The following RELN variants were observed in gnomAD, a reference collection of about 807,000 sequenced individuals.
RELN encodes the protein reelin.
RELN carries 108 observed loss-of-function variants against 427.6 expected under a neutral mutation model. That is an observed-to-expected ratio of 0.25 (90% confidence interval 0.22 to 0.30). RELN has a LOEUF of 0.30. RELN is among the 10% of genes least tolerant of loss of function. The pLI is 1.00. For synonymous variants in RELN, 1,524 were observed against 1,513.4 expected (o/e 1.01, Z -0.16); for missense variants, 3,715 against 4,302.8 (o/e 0.86, Z 3.82).
intron 62 of RELN, among the ~76,000 whole-genome samples, chr7:103,483,410 CGTTTA>C (rs1828310768): frequency 6.6e-6 from 1 of 152,158 alleles, no homozygotes; most frequent in Non-Finnish European, 1.5e-5. Context: ...ACTGCCCTTG[CGTTTA>C]GTTATTATTG....
At position 103,988,220 on chromosome 7, in the gene RELN, AAG is replaced by A. The variant is rs1482116479; in HGVS notation, c.226+909_226+910del. Among the ~76,000 whole-genome samples the A allele has an allele frequency of 1.3e-5, 2 of 152,208 alleles. No individual in the cohort carries two copies. Among genetic ancestry groups the A allele is most frequent in the Non-Finnish European group, 2.9e-5 (2 of 68,042 alleles). On this transcript the variant is annotated intron_variant, in intron 1 of 64. Transcript: ENST00000428762. This position sits in a 1 kb window ranked among gnomAD's most constrained non-coding sequence, Gnocchi z 4.9. ...CAGAAGTCCCAGAAGAAATACAGAA[AAG>A]AGACATTTTTTATTTTTCCACATAC...
chr7:103,518,210 T>C (rs1339772538), intron 49 of RELN, among the ~76,000 whole-genome samples: 1 of 152,210 alleles, frequency 6.6e-6, no homozygotes, highest in African/African-American at 2.4e-5. Flanking sequence ...CATTGACAGC[T>C]GAACCTATTC....
At chr7:103,751,253 A>T (rs989956552) in intron 5 of RELN, among the ~76,000 whole-genome samples, 4 of 152,170 alleles carry the variant, frequency 2.6e-5, no homozygotes, top group African/African-American at 9.7e-5. Context: ...TTTTTCTTTT[A>T]AAGGTGATAT....
chr7:103,596,399 G>T (rs1343349973), intron 25 of RELN, 57 bp downstream of exon 25: 4 of 1,451,528 alleles, frequency 2.8e-6, no homozygotes, highest in South Asian at 1.1e-5. Flanking sequence ...CATCAACAAT[G>T]ATTTAACCTT....
At position 103,682,125 on chromosome 7, in the gene RELN, T is replaced by C. The variant is rs1468782350; in HGVS notation, c.1280A>G (p.Gln427Arg). Reference protein sequence around the residue: ...QEQWSEEFESQPTGWDVLGAV... With the variant: ...QEQWSEEFESRPTGWDVLGAV... ...GATAGCAATTACTTACCCTGTAGGC[T>C]GGCTCTCAAATTCTTCTGACCATTG... The change falls in exon 11 of 65, where the codon CAG becomes CGG. Residue 427 changes from glutamine to arginine, a missense_variant. Coordinates refer to ENST00000428762, the MANE Select transcript of RELN (RefSeq NM_005045.4). 1 of 1,613,808 alleles carries C rather than the reference T, an allele frequency of 6.2e-7. No individual in the cohort carries two copies. The highest frequency in any genetic ancestry group is 2.2e-5 in the East Asian group (1 of 44,870).
At chr7:103,486,113 C>T in intron 61 of RELN, 84 bp downstream of exon 61, 1 of 1,336,854 alleles carries the variant, frequency 7.5e-7, no homozygotes. Flanking sequence ...CCATGAAGTT[C>T]ACAATCCTAT....
At chr7:103,562,398 G>C (rs1223127478) in intron 34 of RELN, among the ~76,000 whole-genome samples, 1 of 152,104 alleles carries the variant, frequency 6.6e-6, no homozygotes, top group Non-Finnish European at 1.5e-5. Flanking sequence ...GTCCCGGAAT[G>C]GTTTCTGAGA....
At chr7:103,688,581 C>T (rs1351879750) in intron 10 of RELN, among the ~76,000 whole-genome samples, 1 of 151,920 alleles carries the variant, frequency 6.6e-6, no homozygotes, top group African/African-American at 2.4e-5. Flanking sequence ...TTTTCATTAG[C>T]TTTAACTTGT....
chr7:103,796,194 C>G (rs972064366), intron 3 of RELN, among the ~76,000 whole-genome samples: 3 of 152,164 alleles, frequency 2.0e-5, no homozygotes, highest in Admixed American at 6.5e-5. Flanking sequence ...TTAGGTCATA[C>G]AGAATACTGA....
At chr7:103,796,925 G>C (rs568634947) in intron 3 of RELN, among the ~76,000 whole-genome samples, 1 of 141,030 alleles carries the variant, frequency 7.1e-6, no homozygotes, top group African/African-American at 2.6e-5. Context: ...GAAAAAGAAA[G>C]TAAGGATACA....
At chr7:103,961,673 G>A (rs1000076514) in intron 1 of RELN, among the ~76,000 whole-genome samples, 2 of 152,132 alleles carry the variant, frequency 1.3e-5, no homozygotes, top group African/African-American at 4.8e-5. Flanking sequence ...CCATCCTCGT[G>A]GGTCTGAATT....
intron 4 of RELN, among the ~76,000 whole-genome samples, chr7:103,755,593 G>A (rs1373429670): frequency 1.4e-5 from 2 of 145,616 alleles, no homozygotes; most frequent in Non-Finnish European, 1.5e-5. Context: ...GGGGGACAGA[G>A]CGAGACTCTG....
intron 4 of RELN, among the ~76,000 whole-genome samples, chr7:103,758,969 G>A (rs1791228622): frequency 6.6e-6 from 1 of 151,852 alleles, no homozygotes; most frequent in Non-Finnish European, 1.5e-5. Flanking sequence ...GTGACCTGAA[G>A]ATTACATATG....
intron 2 of RELN, among the ~76,000 whole-genome samples, chr7:103,876,878 T>C (rs1165999367): frequency 6.6e-6 from 1 of 152,070 alleles, no homozygotes; most frequent in Admixed American, 6.6e-5. Context: ...CTTATTGCTT[T>C]CTCGATAGAG....
At chr7:103,604,249 C>T (rs552489590) in intron 23 of RELN, 97 bp downstream of exon 23, 80 of 1,389,962 alleles carry the variant, frequency 5.8e-5, no homozygotes, top group East Asian at 3.4e-4. Context: ...CATTATTTAT[C>T]GGTCTATCCA....
chr7:103,976,829 T>C (rs1472159704), intron 1 of RELN, among the ~76,000 whole-genome samples: 1 of 152,108 alleles, frequency 6.6e-6, no homozygotes, highest in Admixed American at 6.5e-5. Context: ...GTCGGGCAAA[T>C]TGATTGAGTC....
chr7:103,508,928 T>G (rs997202303), intron 51 of RELN, among the ~76,000 whole-genome samples: 1 of 152,076 alleles, frequency 6.6e-6, no homozygotes, highest in Non-Finnish European at 1.5e-5. Context: ...TACTTAGGAA[T>G]AATACAACTT....
rs778110423 is a variant in RELN, at chr7:103,651,653, G to A, written c.1892+8C>T. 8.1e-6 allele frequency: 13 copies of A among 1,610,040 alleles called. No homozygotes were observed. The South Asian group carries it at 1.4e-4, about 18-fold the overall frequency. On this transcript the variant is annotated splice_region_variant and intron_variant, in intron 15 of 64. Transcript: ENST00000428762. ...AGTATTTCAATATCTCAGAGAGAAT[G>A]TACTCACCCACTGTAGTTTTCAGAG...
In RELN at chr7:103,713,660, CTT is replaced by C. The variant is rs60124892; in HGVS notation, c.805+9478_805+9479del. On this transcript the variant is annotated intron_variant, in intron 8 of 64. Transcript: ENST00000428762. ...ATAATAAGCAGTTCTGGCATTTATC[CTT>C]TTTTTTTTTTTTTGAAGGTAAGAGT... Among the ~76,000 whole-genome samples, 1,243 of 143,586 alleles carry C rather than the reference CTT, an allele frequency of 8.7e-3. 17 individuals carry two copies. Among genetic ancestry groups the C allele is most frequent in the African/African-American group, 0.024 (940 of 39,254 alleles). The allele number at this position is 143,586 out of a possible 152,430, so 94.2% of individuals were successfully genotyped here.
Sources: allele counts gnomAD v4.1 joint callset (sites outside exome capture counted in the v4.1 genomes callset), GRCh38; gene constraint gnomAD v4.1.1; non-coding constraint Gnocchi (gnomAD v3.1); transcripts MANE v1.5; gene names NCBI Gene and HGNC (gene_info 2026-07-23, HGNC 2026-07-21).